The following GPR161 variants were observed in gnomAD, a reference collection of about 807,000 sequenced individuals.
GPR161 encodes G protein-coupled receptor 161.
A neutral mutation model predicts 39.2 loss-of-function variants in GPR161; 25 were observed. The observed-to-expected ratio is 0.64, with a 90% CI of 0.47 to 0.89. The LOEUF (loss-of-function observed/expected upper bound fraction) is 0.89. GPR161 is among the 40% of genes least tolerant of loss of function. GPR161 has a pLI of 0.00. For missense variants in GPR161, 547 were observed against 677.8 expected (o/e 0.81, Z 2.14); for synonymous variants, 286 against 276.6 (o/e 1.03, Z -0.34).
chr1:168,136,727 C>G lies in GPR161; in HGVS notation c.-45+12G>C. 1 of 1,019,920 alleles carries G rather than the reference C, an allele frequency of 9.8e-7. No homozygotes were observed. The highest frequency in any genetic ancestry group is 1.2e-6 in the Non-Finnish European group (1 of 852,888). The allele number at this position is 1,019,920 out of a possible 1,614,324, so 63.2% of individuals were successfully genotyped here. On this transcript the variant is annotated intron_variant, in intron 1 of 5. Coordinates refer to ENST00000682931, the MANE Select transcript of GPR161 (RefSeq NM_001375883.1). Reference sequence around the variant, plus strand: ...CCCGGGCCCGCGCCCGCGCCCCACGCCGGGTGCTCACCGAGGAGCGGCCGC... The same window carrying G: ...CCCGGGCCCGCGCCCGCGCCCCACGGCGGGTGCTCACCGAGGAGCGGCCGC...
chr1:168,095,668 TC>T (rs932911443), intron 3 of GPR161, among the ~76,000 whole-genome samples: 14 of 152,006 alleles, frequency 9.2e-5, no homozygotes, highest in African/African-American at 3.1e-4. Flanking sequence ...TCTGGGACCA[TC>T]TGAGGAGATC....
In GPR161 at chr1:168,084,028, A is replaced by C. The variant is rs1023076813; in HGVS notation, c.*1503T>G. On this transcript the variant is annotated 3_prime_UTR_variant, in exon 6 of 6. Coordinates refer to ENST00000682931, the MANE Select transcript of GPR161 (RefSeq NM_001375883.1). ...GCAGGCCAAGGGCAGACGCAAGAGG[A>C]GATCAGTGGCTTCCCAAGTCATCAC... 3.3e-5 allele frequency: 5 copies of C among 152,790 alleles called. No individual in the cohort carries two copies. The highest frequency in any genetic ancestry group is 1.2e-4 in the African/African-American group (5 of 41,470). The allele number at this position is 152,790 out of a possible 1,614,324, so 9.5% of individuals were successfully genotyped here.
chr1:168,127,768 C>G (rs762737954), intron 1 of GPR161, among the ~76,000 whole-genome samples: 2 of 152,218 alleles, frequency 1.3e-5, no homozygotes, highest in African/African-American at 2.4e-5. Flanking sequence ...TCACCTCCCA[C>G]TGGGTTCCTC....
chr1:168,089,482 G>C (rs1694850889), intron 4 of GPR161: 1 of 152,348 alleles, frequency 6.6e-6, no homozygotes, highest in Non-Finnish European at 1.5e-5. Context: ...CATGACACAG[G>C]CTTAGGCGCA....
chr1:168,083,649 T>TGACCTGCACAGGTG lies in GPR161; in HGVS notation c.*1868_*1881dup, dbSNP rs573904008. ...CATCCAGTGATGGAAGCAGAGTGTC[T>TGACCTGCACAGGTG]GACCTGCACAGGTGAACCTGCCCTC... On this transcript the variant is annotated 3_prime_UTR_variant, in exon 6 of 6. Coordinates refer to ENST00000682931, the MANE Select transcript of GPR161 (RefSeq NM_001375883.1). 1,306 of 152,360 alleles carry TGACCTGCACAGGTG rather than the reference T, an allele frequency of 8.6e-3. 8 individuals carry two copies. The highest frequency in any genetic ancestry group is 0.012 in the Admixed American group (188 of 15,302). The allele number at this position is 152,360 out of a possible 1,614,324, so 9.4% of individuals were successfully genotyped here.
chr1:168,092,421 C>T (rs1025614361), intron 3 of GPR161, among the ~76,000 whole-genome samples: 4 of 152,300 alleles, frequency 2.6e-5, no homozygotes, highest in African/African-American at 4.8e-5. Context: ...GGTCTGGAAA[C>T]GGGGCAGCCA....
chr1:168,124,277 T>G (rs1698425380), intron 1 of GPR161, among the ~76,000 whole-genome samples: 1 of 152,198 alleles, frequency 6.6e-6, no homozygotes, highest in African/African-American at 2.4e-5. Context: ...CTTTCAAAAA[T>G]GCACTAACAC....
rs1695583608 is a variant in GPR161 at position 168,096,726 on chromosome 1, G to A, written c.881C>T (p.Ala294Val). The change falls in exon 3 of 6, where the codon GCC (alanine) becomes GTC (valine). Residue 294 changes from alanine to valine, a missense_variant. Transcript: ENST00000682931. ...GPYMVVIASE[A>V]LWGKSSVSPS... ...GGAGACGGAGCTTTTCCCCCAGAGG[G>A]CCTCAGAGGCGATGACAACCATGTA... 1 of 1,613,946 alleles carries A rather than the reference G, an allele frequency of 6.2e-7. No homozygotes were observed. Among genetic ancestry groups the A allele is most frequent in the African/African-American group, 1.3e-5 (1 of 74,890 alleles).
intron 4 of GPR161, 38 bp from the exon 5 acceptor site, chr1:168,087,742 T>C: frequency 6.4e-7 from 1 of 1,571,672 alleles, no homozygotes. Flanking sequence ...GTAACTACAA[T>C]CTAAAGTCCT....
At chr1:168,085,878 C>T in intron 5 of GPR161, 82 bp from the exon 6 acceptor site, 1 of 1,284,478 alleles carries the variant, frequency 7.8e-7, no homozygotes, top group Admixed American at 2.2e-5. Context: ...TGCTGCTCCA[C>T]CACCCCGGGG....
intron 4 of GPR161, 111 bp from the exon 5 acceptor site, chr1:168,087,815 T>A: frequency 8.9e-7 from 1 of 1,119,310 alleles, no homozygotes; most frequent in South Asian, 1.6e-5. Flanking sequence ...TCCAAACCCA[T>A]CATCAAGTGG....
At chr1:168,089,961 A>G (rs1244631672) in intron 4 of GPR161, among the ~76,000 whole-genome samples, 1 of 152,216 alleles carries the variant, frequency 6.6e-6, no homozygotes, top group Non-Finnish European at 1.5e-5. Context: ...GCGTTTCTAC[A>G]GGGAGACTGA....
At chr1:168,101,187 G>A (rs1156249487) in intron 2 of GPR161, among the ~76,000 whole-genome samples, 7 of 149,902 alleles carry the variant, frequency 4.7e-5, no homozygotes, top group Non-Finnish European at 8.9e-5. Flanking sequence ...GTGCAGGTTT[G>A]TTACATATGT....
intron 1 of GPR161, 162 bp from the exon 2 acceptor site, chr1:168,105,056 G>C: frequency 1.7e-6 from 1 of 593,852 alleles, no homozygotes; most frequent in South Asian, 2.2e-5. Context: ...CTACATAAGT[G>C]GGCCATTTTC....
At position 168,124,315 on chromosome 1, in the gene GPR161, T is replaced by C. The variant is rs546163879; in HGVS notation, c.-45+12424A>G. ...AAGCTAATCCTCAGGAAATGCTCCA[T>C]TCTAGATAGCTGAGTTTTCTGAATT... On this transcript the variant is annotated intron_variant, in intron 1 of 5. Transcript: ENST00000682931. Among the ~76,000 whole-genome samples the C allele has an allele frequency of 7.9e-5, 12 of 152,338 alleles. No individual in the cohort carries two copies. The South Asian group carries it at 2.3e-3, about 29-fold the overall frequency.
intron 3 of GPR161, 64 bp from the exon 4 acceptor site, chr1:168,090,732 T>C (rs1439076204): frequency 2.6e-5 from 21 of 792,818 alleles, no homozygotes; most frequent in Non-Finnish European, 4.1e-5. Flanking sequence ...CCAGCCTCCG[T>C]TTCCCCACAG....
chr1:168,130,303 T>G lies in GPR161; in HGVS notation c.-45+6436A>C, dbSNP rs994964982. The stretch of plus-strand genomic sequence containing the variant: ...GGACACATGACCTATGCCTCGCCAA[T>G]CAGCATCTTCGAACTTCCTTTGATG... On this transcript the variant is annotated intron_variant, in intron 1 of 5. Transcript: ENST00000682931. Among the ~76,000 whole-genome samples the G allele has an allele frequency of 1.4e-4, 22 of 152,202 alleles. 1 individual carries two copies. The highest frequency in any genetic ancestry group is 2.2e-4 in the Non-Finnish European group (15 of 68,032).
chr1:168,137,144 T>C, upstream of GPR161: 1 of 1,209,492 alleles, frequency 8.3e-7, no homozygotes, highest in Non-Finnish European at 1.0e-6. Context: ...CCTCGGCTGC[T>C]GCTCTTTGTC....
In GPR161 at chr1:168,087,645, T is replaced by C. The variant is rs1369000040; in HGVS notation, c.1264A>G (p.Thr422Ala). Reference sequence around the variant, plus strand: ...GAGCTCCTTCTCTTGGGTGGGCAAGTGCAGTGAGAGGGAGGGTTGTCATCA... The same window carrying C: ...GAGCTCCTTCTCTTGGGTGGGCAAGCGCAGTGAGAGGGAGGGTTGTCATCA... ...TSDDNPPSHC[T>A]CPPKRRSSVT... is the part of the protein sequence containing the mutation. Residue 422 changes from threonine (T) to alanine (A), a missense_variant, in exon 5 of 6, where the codon ACT (threonine) becomes GCT (alanine). Coordinates refer to ENST00000682931, the MANE Select transcript of GPR161 (RefSeq NM_001375883.1). 1 of 1,613,920 alleles carries C rather than the reference T, an allele frequency of 6.2e-7. No individual in the cohort carries two copies. Among genetic ancestry groups the C allele is most frequent in the Non-Finnish European group, 8.5e-7 (1 of 1,179,928 alleles).
Sources: allele counts gnomAD v4.1 joint callset (sites outside exome capture counted in the v4.1 genomes callset), GRCh38; gene constraint gnomAD v4.1.1; transcripts MANE v1.5; gene names NCBI Gene and HGNC (gene_info 2026-07-23, HGNC 2026-07-21).